Variants in SRRM4 observed in about 807,000 individuals in gnomAD.
The protein encoded by SRRM4 is serine/arginine repetitive matrix 4, also known as serine/arginine repetitive matrix protein 4.
A neutral mutation model predicts 68.9 loss-of-function variants in SRRM4; 33 were observed. The ratio of observed to expected loss-of-function variants is 0.48; its 90% CI spans 0.36 to 0.64. The LOEUF is 0.64. Ranked by LOEUF, SRRM4 falls within the 30% of genes least tolerant of loss-of-function variation. The pLI is 0.00. For missense variants in SRRM4, 817 were observed against 827.1 expected (o/e 0.99, Z 0.15); for synonymous variants, 318 against 318.8 (o/e 1.00, Z 0.03).
intron 1 of SRRM4, among the ~76,000 whole-genome samples, chr12:118,999,918 A>G (rs151128732): frequency 4.1e-4 from 62 of 152,338 alleles, no homozygotes; most frequent in African/African-American, 1.4e-3. Flanking sequence ...CTCTAATACT[A>G]GGCACTAAGT....
At chr12:119,069,330 G>T (rs118163610) in intron 1 of SRRM4, among the ~76,000 whole-genome samples, 2,960 of 152,242 alleles carry the variant, frequency 0.019, 47 homozygotes, top group Middle Eastern at 0.079. Context: ...AATCCCCAAG[G>T]GTGGGGCCAA....
intron 1 of SRRM4, among the ~76,000 whole-genome samples, chr12:119,078,920 A>T (rs1592889928): frequency 6.6e-6 from 1 of 152,268 alleles, no homozygotes; most frequent in East Asian, 1.9e-4. Context: ...ACAGAGCAAG[A>T]CTTGTATCAA....
At chr12:118,992,863 G>A (rs1953325690) in intron 1 of SRRM4, among the ~76,000 whole-genome samples, 1 of 152,100 alleles carries the variant, frequency 6.6e-6, no homozygotes, top group Non-Finnish European at 1.5e-5. Flanking sequence ...GCTAAAATAT[G>A]GGCTGCTTGG....
chr12:119,076,150 T>G (rs1953914634), intron 1 of SRRM4, among the ~76,000 whole-genome samples: 1 of 113,794 alleles, frequency 8.8e-6, no homozygotes, highest in Non-Finnish European at 2.0e-5. Context: ...ACAATGGGAA[T>G]AATGATGATG....
intron 1 of SRRM4, among the ~76,000 whole-genome samples, chr12:119,060,531 A>G (rs1031559403): frequency 2.0e-5 from 3 of 151,620 alleles, no homozygotes; most frequent in South Asian, 2.1e-4. Context: ...GGCTTTCAGT[A>G]TCTTAAGTGT....
At chr12:118,990,732 A>T (rs1953311353) in intron 1 of SRRM4, among the ~76,000 whole-genome samples, 1 of 152,212 alleles carries the variant, frequency 6.6e-6, no homozygotes, top group African/African-American at 2.4e-5. Context: ...TAGACCCAGA[A>T]GAACCTCTTT....
rs772615509 is a variant in SRRM4 at position 119,125,343 on chromosome 12, C to T, written c.516-38C>T. On this transcript the variant is annotated intron_variant, in intron 6 of 12. Coordinates refer to ENST00000267260, the MANE Select transcript of SRRM4 (RefSeq NM_194286.4). The stretch of plus-strand genomic sequence containing the variant: ...TCACTCTCCCTTTTTTACTCTCTCT[C>T]TCCTCTCCTCTGACTCGTTCCTTCT... 7.7e-6 allele frequency: 12 copies of T among 1,563,394 alleles called. No individual in the cohort carries two copies. In the South Asian group the frequency reaches 7.9e-5, roughly 10 times the overall value.
chr12:119,078,749 G>A (rs1440793202), intron 1 of SRRM4, among the ~76,000 whole-genome samples: 4 of 151,932 alleles, frequency 2.6e-5, no homozygotes, highest in East Asian at 3.9e-4. Context: ...GTGTGACCCC[G>A]TCTCTACAAA....
chr12:119,019,490 CTG>C (rs1331574808), intron 1 of SRRM4, among the ~76,000 whole-genome samples: 1 of 152,128 alleles, frequency 6.6e-6, no homozygotes, highest in African/African-American at 2.4e-5. Context: ...CTCACTCCAG[CTG>C]TGTTTGTTTT....
At chr12:118,982,041 A>T in intron 1 of SRRM4, 28 bp downstream of exon 1, 1 of 1,591,528 alleles carries the variant, frequency 6.3e-7, no homozygotes, top group Non-Finnish European at 8.6e-7. Flanking sequence ...AGAAGGGGGG[A>T]TCCTGAAGGT....
At chr12:118,991,855 A>C (rs751688159) in intron 1 of SRRM4, 2 of 152,226 alleles carry the variant, frequency 1.3e-5, no homozygotes, top group African/African-American at 2.4e-5. Flanking sequence ...TAATGAGGAC[A>C]ATACAACCAT....
At chr12:119,120,826 T>C (rs1033566633) in intron 5 of SRRM4, among the ~76,000 whole-genome samples, 6 of 152,302 alleles carry the variant, frequency 3.9e-5, no homozygotes, top group African/African-American at 7.2e-5. Flanking sequence ...GAGACTAAGA[T>C]AGAATGTCAC....
At chr12:119,057,241 A>G (rs1953782427) in intron 1 of SRRM4, among the ~76,000 whole-genome samples, 2 of 152,166 alleles carry the variant, frequency 1.3e-5, no homozygotes, top group South Asian at 2.1e-4. Context: ...GGTTTGTTAC[A>G]TAGGTAAATG....
At position 119,044,818 on chromosome 12, in the gene SRRM4, T is replaced by C. The variant is rs4614519; in HGVS notation, c.132-57418T>C. 8.7e-3 allele frequency among the ~76,000 whole-genome samples: 1,324 copies of C among 151,988 alleles called. 50 individuals are homozygous for C. In the East Asian group the frequency reaches 0.11, roughly 13 times the overall value. ...AAGGCACCTGAGACCCCCAACAGAGTTGTAGGGGGTTTCTCCTCAGCCAAA... is the reference window on the plus strand; with the variant it reads ...AAGGCACCTGAGACCCCCAACAGAGCTGTAGGGGGTTTCTCCTCAGCCAAA... On this transcript the variant is annotated intron_variant, in intron 1 of 12. Coordinates refer to ENST00000267260, the MANE Select transcript of SRRM4 (RefSeq NM_194286.4).
intron 8 of SRRM4, among the ~76,000 whole-genome samples, chr12:119,131,890 G>A (rs1954300528): frequency 6.6e-6 from 1 of 152,194 alleles, no homozygotes; most frequent in Admixed American, 6.5e-5. Context: ...AAAATTTCAG[G>A]TAGATGGTGC....
At chr12:119,044,627 G>T (rs556263564) in intron 1 of SRRM4, among the ~76,000 whole-genome samples, 1 of 151,800 alleles carries the variant, frequency 6.6e-6, no homozygotes, top group Non-Finnish European at 1.5e-5. Flanking sequence ...AAGTCCTTTA[G>T]CCTCCCTGAG....
Position 119,022,216 on chromosome 12 carries a change from A to G in SRRM4, c.131+40203A>G, listed in dbSNP as rs1422537784. Among the ~76,000 whole-genome samples, 10 of 152,312 alleles carry G rather than the reference A, an allele frequency of 6.6e-5. No homozygotes were observed. In the South Asian group the frequency reaches 1.7e-3, roughly 25 times the overall value. ...ATAAAATAAAATTTAAAAAAAAGAA[A>G]GAGGAGAATGCTTATTTTCTTTCTC... On this transcript the variant is annotated intron_variant, in intron 1 of 12. Coordinates refer to ENST00000267260, the MANE Select transcript of SRRM4 (RefSeq NM_194286.4).
chr12:119,087,025 A>C (rs949883395), intron 1 of SRRM4, among the ~76,000 whole-genome samples: 1 of 152,204 alleles, frequency 6.6e-6, no homozygotes, highest in Non-Finnish European at 1.5e-5. Context: ...CGTGGTTCCC[A>C]TGGTGTCCAC....
intron 6 of SRRM4, among the ~76,000 whole-genome samples, chr12:119,123,959 C>G (rs1471634142): frequency 2.6e-5 from 4 of 152,130 alleles, no homozygotes; most frequent in Admixed American, 6.5e-5. Flanking sequence ...GCTTGGTGGC[C>G]TCCCGCAGGA....
Sources: gnomAD v4.1 joint callset for allele counts (sites outside exome capture counted in the v4.1 genomes callset) on GRCh38, gnomAD v4.1.1 for gene constraint, MANE v1.5 for transcripts, NCBI Gene and HGNC (gene_info 2026-07-23, HGNC 2026-07-21) for gene names.